Variants in PARP4 observed in about 807,000 individuals in gnomAD.
PARP4 encodes the protein poly(ADP-ribose) polymerase family member 4.
A neutral mutation model predicts 187.7 loss-of-function variants in PARP4; 120 were observed. The ratio of observed to expected loss-of-function variants is 0.64; its 90% CI spans 0.55 to 0.74. PARP4 has a LOEUF of 0.74. Ranked by LOEUF, PARP4 falls within the 30% of genes least tolerant of loss-of-function variation. The pLI is 0.00. For missense variants in PARP4, 1,836 were observed against 2,070.5 expected (o/e 0.89, Z 2.20); for synonymous variants, 654 against 740.9 (o/e 0.88, Z 1.90).
intron 12 of PARP4, among the ~76,000 whole-genome samples, chr13:24,483,942 T>G (rs1335318729): frequency 1.3e-5 from 2 of 152,160 alleles, no homozygotes; most frequent in East Asian, 3.9e-4. Context: ...TCGTCTTCTT[T>G]GCTATTAGGT....
At chr13:24,495,368 A>G (rs1166202957) in intron 6 of PARP4, among the ~76,000 whole-genome samples, 1 of 147,696 alleles carries the variant, frequency 6.8e-6, no homozygotes, top group Middle Eastern at 3.5e-3. Context: ...TGGAAATGAG[A>G]AAAAAAAAAT....
rs1386018952 is a variant in PARP4 at position 24,434,570 on chromosome 13, T to C, written c.4571A>G (p.Glu1524Gly). 3 of 1,613,196 alleles carry C rather than the reference T, an allele frequency of 1.9e-6. No homozygotes were observed. Among genetic ancestry groups the C allele is most frequent in the Non-Finnish European group, 2.5e-6 (3 of 1,179,366 alleles). ...AAGTACTTCTGATAGCTCATCACTT[T>C]CTGTGTCAGAACTTTGAAAAGCAAA... ...PVFAFQSSDT[E>G]SDELSEVLQD... The change falls in exon 31 of 34, where the codon GAA (glutamate) becomes GGA (glycine). Residue 1524 changes from glutamate (E) to glycine (G), a missense_variant. This residue lies in a region of PARP4 where 450 missense variants were observed against 439.2 expected (regional missense o/e 1.02). Coordinates refer to ENST00000381989, the MANE Select transcript of PARP4 (RefSeq NM_006437.4).
intron 25 of PARP4, among the ~76,000 whole-genome samples, chr13:24,448,155 A>G (rs1871307582): frequency 6.6e-6 from 1 of 152,194 alleles, no homozygotes; most frequent in South Asian, 2.1e-4. Flanking sequence ...GGCTGCAGTG[A>G]GCCAAGCTTG....
chr13:24,493,121 CTT>C (rs1214903894), intron 8 of PARP4, among the ~76,000 whole-genome samples: 1 of 152,190 alleles, frequency 6.6e-6, no homozygotes, highest in African/African-American at 2.4e-5. Flanking sequence ...GGGGTATCTT[CTT>C]TTGTCTGCTC....
At chr13:24,479,648 C>T (rs1003938718) in intron 12 of PARP4, among the ~76,000 whole-genome samples, 27 of 152,172 alleles carry the variant, frequency 1.8e-4, no homozygotes, top group African/African-American at 6.0e-4. Flanking sequence ...TTGTGTCTAG[C>T]TCAGGGATTG....
chr13:24,466,905 G>A (rs1044314746), intron 17 of PARP4, among the ~76,000 whole-genome samples: 4 of 150,386 alleles, frequency 2.7e-5, no homozygotes, highest in East Asian at 2.0e-4. Flanking sequence ...AAGGAACAAA[G>A]AACAAATGGT....
chr13:24,421,246 T>C lies in PARP4; in HGVS notation c.5048A>G (p.Tyr1683Cys). The change falls in exon 34 of 34, where the codon TAC becomes TGC. Residue 1683 changes from tyrosine (Y) to cysteine (C), a missense_variant. Coordinates refer to ENST00000381989, the MANE Select transcript of PARP4 (RefSeq NM_006437.4). Reference sequence around the variant, plus strand: ...TTCAAGCCGTGGGCAGATAGATGGGTACTGTCCTTCAGTTCTTCTTACCCA... The same window carrying C: ...TTCAAGCCGTGGGCAGATAGATGGGCACTGTCCTTCAGTTCTTCTTACCCA... The part of the protein sequence containing the change: ...SEWVRRTEGQ[Y>C]PSICPRLELG... 7.5e-7 allele frequency: 1 copy of C among 1,331,102 alleles called. No individual in the cohort carries two copies. The highest frequency in any genetic ancestry group is 1.0e-6 in the Non-Finnish European group (1 of 989,240). 82.5% of individuals were successfully genotyped at this position (1,331,102 alleles called of 1,614,324 possible).
At chr13:24,435,820 G>A (rs1323782907) in intron 30 of PARP4, among the ~76,000 whole-genome samples, 1 of 151,850 alleles carries the variant, frequency 6.6e-6, no homozygotes, top group Non-Finnish European at 1.5e-5. Context: ...GGAGGCTGAG[G>A]CAGGAGGAGT....
intron 12 of PARP4, among the ~76,000 whole-genome samples, chr13:24,481,181 G>A (rs559774113): frequency 2.5e-4 from 38 of 152,362 alleles, no homozygotes; most frequent in African/African-American, 9.1e-4. Flanking sequence ...TCTGTTTACA[G>A]AATGGTTTAC....
chr13:24,424,913 A>G (rs112683624), intron 33 of PARP4, among the ~76,000 whole-genome samples: 64,136 of 150,230 alleles, frequency 0.43, 14,378 homozygotes, highest in African/African-American at 0.57. Context: ...TCGATCTCCC[A>G]ACCTCGTGAT....
chr13:24,456,330 AAGG>A lies in PARP4; in HGVS notation c.2562+8_2562+10del, dbSNP rs1293576813. The A allele has an allele frequency of 6.3e-7, 1 of 1,591,880 alleles. No individual in the cohort carries two copies. The highest frequency in any genetic ancestry group is 1.7e-5 in the Admixed American group (1 of 59,578). Reference sequence around the variant, plus strand: ...ATAGTGTCTCCTATGTCTAAGTAAAAAGGAGTATACCTCGCTTTCTTTTTCTGG... The same window carrying A: ...ATAGTGTCTCCTATGTCTAAGTAAAAAGTATACCTCGCTTTCTTTTTCTGG... On this transcript the variant is annotated splice_region_variant and intron_variant, in intron 21 of 33. Transcript: ENST00000381989.
At chr13:24,494,868 C>CTTTTAT in intron 6 of PARP4, 146 bp from the exon 7 acceptor site, 3 of 542,514 alleles carry the variant, frequency 5.5e-6, no homozygotes, top group Non-Finnish European at 9.3e-6. Flanking sequence ...AATTCTTTTT[C>CTTTTAT]TTTTCTTTTT....
Position 24,434,822 on chromosome 13 carries a change from G to C in PARP4, c.4319C>G (p.Ser1440Cys), listed in dbSNP as rs1163718680. ...GATGGGATCAGGGTCTGTAGGAAGA[G>C]AGAAATGAAGCTGGGGAGAATCCAG... ...PELDSPQLHF[S>C]LPTDPDPIRG... The change falls in exon 31 of 34, where the codon TCT (serine) becomes TGT (cysteine). Residue 1440 changes from serine to cysteine, a missense_variant. Physicochemically the swap from Ser to Cys is moderately radical, Grantham distance 112. This residue lies in a region of PARP4 where 450 missense variants were observed against 439.2 expected (regional missense o/e 1.02). Coordinates refer to ENST00000381989, the MANE Select transcript of PARP4 (RefSeq NM_006437.4). 1.9e-6 allele frequency: 3 copies of C among 1,613,548 alleles called. No homozygotes were observed. Among genetic ancestry groups the C allele is most frequent in the Admixed American group, 1.7e-5 (1 of 59,954 alleles).
At position 24,421,111 on chromosome 13, in the gene PARP4, C is replaced by A; in HGVS notation, c.*8G>T. 7.5e-7 allele frequency: 1 copy of A among 1,329,338 alleles called. No homozygotes were observed. Among genetic ancestry groups the A allele is most frequent in the South Asian group, 1.5e-5 (1 of 65,780 alleles). 82.3% of individuals were successfully genotyped at this position (1,329,338 alleles called of 1,614,324 possible). A position where few individuals can be genotyped will look rare whatever the true frequency, so the allele number is the denominator to read the frequency against. ...ATGCAAAAAGTTTAAAATTCAGTTT[C>A]ATTTGACTTAGCCTTGACTGTAATG... On this transcript the variant is annotated 3_prime_UTR_variant, in exon 34 of 34. Transcript: ENST00000381989.
intron 33 of PARP4, among the ~76,000 whole-genome samples, chr13:24,424,838 ATT>A (rs377486554): frequency 0.1 from 14,649 of 146,076 alleles, 2,205 homozygotes; most frequent in African/African-American, 0.32. Context: ...CACCTGGCGA[ATT>A]TTTTTTTTTT....
intron 15 of PARP4, among the ~76,000 whole-genome samples, chr13:24,473,906 A>G (rs942174509): frequency 6.6e-6 from 1 of 151,646 alleles, no homozygotes; most frequent in African/African-American, 2.4e-5. Context: ...CTCCTCCCCT[A>G]CGTCTCCACG....
At chr13:24,444,678 G>A (rs1449536112) in intron 27 of PARP4, among the ~76,000 whole-genome samples, 1 of 152,166 alleles carries the variant, frequency 6.6e-6, no homozygotes, top group East Asian at 1.9e-4. Context: ...TATGCAAAAA[G>A]CTAAAATAGG....
At chr13:24,467,142 T>C (rs1242368352) in intron 17 of PARP4, among the ~76,000 whole-genome samples, 1 of 152,148 alleles carries the variant, frequency 6.6e-6, no homozygotes, top group African/African-American at 2.4e-5. Context: ...TAAATTGAAG[T>C]CTTGGAAACA....
At chr13:24,496,432 T>C (rs1868959234) in intron 6 of PARP4, among the ~76,000 whole-genome samples, 1 of 152,222 alleles carries the variant, frequency 6.6e-6, no homozygotes, top group South Asian at 2.1e-4. Context: ...ATAAATTGCA[T>C]TGATACTGGG....
Sources: gnomAD v4.1 joint callset for allele counts (sites outside exome capture counted in the v4.1 genomes callset) on GRCh38, gnomAD v4.1.1 for gene constraint, gnomAD v4.1.1 regional missense constraint, MANE v1.5 for transcripts, NCBI Gene and HGNC (gene_info 2026-07-23, HGNC 2026-07-21) for gene names.